KIAA1549L: variants seen among roughly 807,000 people sequenced by gnomAD.
The protein encoded by KIAA1549L is UPF0606 protein KIAA1549L.
KIAA1549L carries 88 observed loss-of-function variants against 160.7 expected under a neutral mutation model. The ratio of observed to expected loss-of-function variants is 0.55; its 90% confidence interval spans 0.46 to 0.65. The LOEUF (loss-of-function observed/expected upper bound fraction) is 0.65. KIAA1549L is among the 30% of genes least tolerant of loss of function. KIAA1549L has a pLI of 0.00. For missense variants in KIAA1549L, 2,258 were observed against 2,437.5 expected, an observed-to-expected ratio of 0.93 and a Z score of 1.55; for synonymous variants, 950 against 976.7, an observed-to-expected ratio of 0.97 and a Z score of 0.51.
intron 16 of KIAA1549L, among the ~76,000 whole-genome samples, chr11:33,644,569 T>C (rs1203282056): frequency 1.3e-5 from 2 of 152,248 alleles, no homozygotes; most frequent in Admixed American, 6.5e-5. Context: ...TTCTAAAATC[T>C]TTAGATGTAC....
intron 18 of KIAA1549L, among the ~76,000 whole-genome samples, chr11:33,656,635 G>A (rs1382131132): frequency 6.6e-6 from 1 of 152,146 alleles, no homozygotes; most frequent in Non-Finnish European, 1.5e-5. Flanking sequence ...TAATAAGGAT[G>A]GACAAGAAGA....
At chr11:33,618,390 A>G (rs1784713149) in intron 15 of KIAA1549L, 143 bp from the exon 16 acceptor site, 1 of 642,862 alleles carries the variant, frequency 1.6e-6, no homozygotes, top group Non-Finnish European at 2.5e-6. Flanking sequence ...ACAGCCCCTT[A>G]TATCCTGGGA....
chr11:33,629,764 G>A (rs1232435250), intron 16 of KIAA1549L, among the ~76,000 whole-genome samples: 11 of 150,592 alleles, frequency 7.3e-5, no homozygotes, highest in African/African-American at 1.2e-4. Flanking sequence ...TAATTTGATC[G>A]TCTGAAGCCT....
intron 6 of KIAA1549L, among the ~76,000 whole-genome samples, chr11:33,559,164 T>C (rs10836072): frequency 0.29 from 43,731 of 152,030 alleles, 6,936 homozygotes; most frequent in African/African-American, 0.42. Flanking sequence ...AATTAGGTTC[T>C]GTCGCTCTGC....
chr11:33,576,038 C>T (rs1855437250), intron 10 of KIAA1549L, among the ~76,000 whole-genome samples: 2 of 151,918 alleles, frequency 1.3e-5, no homozygotes, highest in Non-Finnish European at 2.9e-5. Context: ...GCGTCCCAGG[C>T]ATTGGGAACC....
At chr11:33,637,830 G>A (rs1851476475) in intron 16 of KIAA1549L, among the ~76,000 whole-genome samples, 1 of 152,180 alleles carries the variant, frequency 6.6e-6, no homozygotes, top group Admixed American at 6.5e-5. Context: ...TTAATTACCT[G>A]TGTGAAGGCG....
chr11:33,547,815 G>A lies in KIAA1549L; in HGVS notation c.3437G>A (p.Ser1146Asn). ...CAGATCAGTGAATCCTTGAAGTTCA[G>A]TATCGCCAAAGGGCTCACACAGGCA... ...RVQISESLKF[S>N]IAKGLTQALR... The change falls in exon 4 of 21, where the codon AGT becomes AAT. Residue 1146 changes from serine (S) to asparagine (N), a missense_variant. Physicochemically the swap from Ser to Asn is conservative, Grantham distance 46 (BLOSUM62 1). Coordinates refer to ENST00000658780, the MANE Select transcript of KIAA1549L (RefSeq NM_012194.3). 6.2e-7 allele frequency: 1 copy of A among 1,613,752 alleles called. No individual in the cohort carries two copies. Among genetic ancestry groups the A allele is most frequent in the Non-Finnish European group, 8.5e-7 (1 of 1,179,782 alleles).
At chr11:33,477,507 G>A (rs868712451) in intron 1 of KIAA1549L, among the ~76,000 whole-genome samples, 4 of 131,738 alleles carry the variant, frequency 3.0e-5, no homozygotes, top group Admixed American at 7.1e-5. Context: ...GCAGGTGCAC[G>A]CACACACACA....
chr11:33,552,980 A>T (rs1241847730), intron 6 of KIAA1549L, among the ~76,000 whole-genome samples: 1 of 152,088 alleles, frequency 6.6e-6, no homozygotes, highest in Non-Finnish European at 1.5e-5. Flanking sequence ...TTTCCCAGGG[A>T]AAATCCCTGG....
intron 14 of KIAA1549L, among the ~76,000 whole-genome samples, chr11:33,609,127 T>C (rs1850581797): frequency 6.6e-6 from 1 of 152,256 alleles, no homozygotes; most frequent in South Asian, 2.1e-4. Context: ...CTTTGCCCTA[T>C]AGGGCAGGAC....
In KIAA1549L at chr11:33,591,366, G is replaced by T. The variant is rs972921809; in HGVS notation, c.4696G>T (p.Val1566Phe). The T allele has an allele frequency of 6.2e-7, 1 of 1,613,298 alleles. No homozygotes were observed. Among genetic ancestry groups the T allele is most frequent in the Non-Finnish European group, 8.5e-7 (1 of 1,179,472 alleles). The stretch of plus-strand genomic sequence containing the variant: ...TAGAGATGCTCCTCAGGAAAGAGAC[G>T]TCGCTCAGGATGGAAGCACCATCAA... Reference protein sequence around the residue: ...PIRDAPQERDVAQDGSTIKTA... With the variant: ...PIRDAPQERDFAQDGSTIKTA... Residue 1566 changes from valine (V) to phenylalanine (F), a missense_variant, in exon 12 of 21, where the codon GTC becomes TTC. Transcript: ENST00000658780.
chr11:33,658,305 G>A (rs555154123), intron 18 of KIAA1549L, among the ~76,000 whole-genome samples: 6 of 152,156 alleles, frequency 3.9e-5, no homozygotes, highest in South Asian at 2.1e-4. Flanking sequence ...CAGCTGTCCC[G>A]GGTCCCCTTT....
chr11:33,520,988 C>T (rs1483917897), intron 1 of KIAA1549L, among the ~76,000 whole-genome samples: 1 of 151,880 alleles, frequency 6.6e-6, no homozygotes, highest in Non-Finnish European at 1.5e-5. Context: ...CAGAGCAAGA[C>T]CCAATATCTA....
At chr11:33,603,818 A>G (rs1271938891) in intron 13 of KIAA1549L, among the ~76,000 whole-genome samples, 30 of 151,672 alleles carry the variant, frequency 2.0e-4, no homozygotes, top group African/African-American at 7.3e-4. Flanking sequence ...AAAAAAAAAG[A>G]AAGAAAAAAG....
chr11:33,630,270 G>GAGGC (rs1376100257), intron 16 of KIAA1549L, among the ~76,000 whole-genome samples: 1 of 152,254 alleles, frequency 6.6e-6, no homozygotes, highest in African/African-American at 2.4e-5. Flanking sequence ...GGAGCCTGCA[G>GAGGC]AGGCAGGCAG....
chr11:33,391,272 G>A (rs999195857), intron 1 of KIAA1549L, among the ~76,000 whole-genome samples: 3 of 152,146 alleles, frequency 2.0e-5, no homozygotes, highest in African/African-American at 7.2e-5. Flanking sequence ...ATGAGCATTG[G>A]TTTGGTTTTC....
intron 1 of KIAA1549L, among the ~76,000 whole-genome samples, chr11:33,502,208 G>C (rs1042027142): frequency 6.6e-6 from 1 of 152,170 alleles, no homozygotes; most frequent in Non-Finnish European, 1.5e-5. Context: ...ATGAGATTCT[G>C]TTCCACTAGC....
chr11:33,386,670 C>G (rs1850179359), intron 1 of KIAA1549L, among the ~76,000 whole-genome samples: 1 of 149,560 alleles, frequency 6.7e-6, no homozygotes, highest in South Asian at 2.1e-4. Flanking sequence ...GTGACAAGAG[C>G]AAGACTCCAT....
At chr11:33,419,533 T>G (rs1289050208) in intron 1 of KIAA1549L, among the ~76,000 whole-genome samples, 4 of 152,162 alleles carry the variant, frequency 2.6e-5, no homozygotes, top group Non-Finnish European at 5.9e-5. Flanking sequence ...TTTTTTCTCT[T>G]TTTTTGAGTG....
Sources: gnomAD v4.1 joint callset for allele counts (sites outside exome capture counted in the v4.1 genomes callset) on GRCh38, gnomAD v4.1.1 for gene constraint, MANE v1.5 for transcripts, NCBI Gene and HGNC (gene_info 2026-07-23, HGNC 2026-07-21) for gene names.